The following CLVS1 variants were observed in gnomAD, a reference collection of about 807,000 sequenced individuals.
The protein encoded by CLVS1 is clavesin 1.
In CLVS1, 10 loss-of-function variants were observed where a neutral mutation model predicts 33.1. The observed-to-expected ratio is 0.30, with a 90% CI of 0.19 to 0.51. The LOEUF is 0.51. Among genes scored for constraint, CLVS1 ranks in the 20% least tolerant of loss-of-function variants. CLVS1 has a pLI of 0.97. For synonymous variants in CLVS1, 163 were observed against 166.1 expected, an observed-to-expected ratio of 0.98 and a Z score of 0.14; for missense variants, 343 against 433.4, an observed-to-expected ratio of 0.79 and a Z score of 1.85.
intron 2 of CLVS1, among the ~76,000 whole-genome samples, chr8:61,137,149 A>C (rs772731995): frequency 9.9e-5 from 15 of 152,218 alleles, no homozygotes; most frequent in Non-Finnish European, 1.8e-4. Context: ...AAGACATTTA[A>C]TGGGGTGCAT....
chr8:61,032,196 G>A, the CLVS1 span, among the ~76,000 whole-genome samples: 1 of 152,216 alleles, frequency 6.6e-6, no homozygotes, highest in Non-Finnish European at 1.5e-5. Context: ...TCTATCCTGA[G>A]AGGAGAGACT....
At chr8:61,283,523 A>G (rs1809717267), upstream of CLVS1, among the ~76,000 whole-genome samples, 1 of 152,174 alleles carries the variant, frequency 6.6e-6, no homozygotes, top group East Asian at 1.9e-4. Context: ...ATACTGGTCA[A>G]TGGGTTATGA....
the CLVS1 span, among the ~76,000 whole-genome samples, chr8:60,972,163 A>C: frequency 1.3e-5 from 2 of 151,936 alleles, no homozygotes; most frequent in Non-Finnish European, 2.9e-5. Flanking sequence ...TGTCTCACCC[A>C]TTAGGGCCTC....
rs142110433 is a variant in CLVS1, at chr8:61,365,527, CAAAAA to C, written c.456-11068_456-11064del. Among the ~76,000 whole-genome samples, 3 of 140,370 alleles carry C rather than the reference CAAAAA, an allele frequency of 2.1e-5. No individual in the cohort carries two copies. The East Asian group carries it at 6.2e-4, about 29-fold the overall frequency. 92.1% of individuals were successfully genotyped at this position (140,370 alleles called of 152,430 possible). The stretch of plus-strand genomic sequence containing the variant: ...AGGTGACAAGAGTGAAACACCATGT[CAAAAA>C]AAAAAAAAATCTATAAATGTCAATT... On this transcript the variant is annotated intron_variant, in intron 2 of 5. Transcript: ENST00000325897.
At chr8:61,454,454 G>T (rs1817076002) in intron 4 of CLVS1, among the ~76,000 whole-genome samples, 1 of 152,054 alleles carries the variant, frequency 6.6e-6, no homozygotes, top group East Asian at 1.9e-4. Flanking sequence ...AGTAGAACTG[G>T]GTTATTTTCG....
At position 61,458,443 on chromosome 8, in the gene CLVS1, G is replaced by A. The variant is rs1326925567; in HGVS notation, c.878G>A (p.Ser293Asn). The change falls in exon 5 of 6, where the codon AGC (serine) becomes AAC (asparagine). Residue 293 changes from serine (S) to asparagine (N), a missense_variant. Ser to Asn is a conservative substitution (Grantham distance 46). Around this residue, in one of 4 missense-constraint regions of CLVS1, gnomAD observed 86 missense variants for 95.0 expected, o/e 0.91. Transcript: ENST00000325897. ...CGGACGTTACTCGGTCCCGACTACAGCGATGAAAATGACTATACTCACACA... is the reference window on the plus strand; with the variant it reads ...CGGACGTTACTCGGTCCCGACTACAACGATGAAAATGACTATACTCACACA... ...WARTLLGPDY[S>N]DENDYTHTSY... The A allele has an allele frequency of 3.1e-6, 5 of 1,613,942 alleles. No individual in the cohort carries two copies. The highest frequency in any genetic ancestry group is 1.3e-5 in the African/African-American group (1 of 74,884).
intron 2 of CLVS1, among the ~76,000 whole-genome samples, chr8:61,191,198 C>G (rs964725360): frequency 6.6e-6 from 1 of 152,212 alleles, no homozygotes; most frequent in African/African-American, 2.4e-5. Context: ...GGCTTCATCC[C>G]TGGGATGCAA....
intron 2 of CLVS1, among the ~76,000 whole-genome samples, chr8:61,243,332 C>T (rs1187395746): frequency 1.3e-5 from 2 of 152,168 alleles, no homozygotes; most frequent in African/African-American, 4.8e-5. Flanking sequence ...CTGATTCACA[C>T]ATGCATGATT....
At chr8:61,376,021 T>C (rs1240647957) in intron 2 of CLVS1, among the ~76,000 whole-genome samples, 1 of 152,226 alleles carries the variant, frequency 6.6e-6, no homozygotes, top group Non-Finnish European at 1.5e-5. Context: ...AGACCTTCAC[T>C]GAAAATAAGT....
intron 5 of CLVS1, among the ~76,000 whole-genome samples, chr8:61,481,907 G>A (rs1818209187): frequency 1.3e-5 from 2 of 152,208 alleles, no homozygotes; most frequent in South Asian, 2.1e-4. Flanking sequence ...TCCTCAAGTG[G>A]GTCCCTGACC....
intron 1 of CLVS1, among the ~76,000 whole-genome samples, chr8:61,125,963 A>T (rs1024416761): frequency 2.8e-4 from 42 of 150,218 alleles, no homozygotes; most frequent in Non-Finnish European, 4.3e-4. Flanking sequence ...TTTTAAGGAC[A>T]TTTTTTTTTT....
chr8:60,971,480 C>T, the CLVS1 span, among the ~76,000 whole-genome samples: 1 of 152,218 alleles, frequency 6.6e-6, no homozygotes, highest in Admixed American at 6.5e-5. Flanking sequence ...TTGATTTTAA[C>T]TTTTCTCTTG....
At chr8:61,272,813 C>T (rs890806569) in intron 2 of CLVS1, among the ~76,000 whole-genome samples, 14 of 152,164 alleles carry the variant, frequency 9.2e-5, no homozygotes, top group South Asian at 2.1e-4. Context: ...GCATTCTTCA[C>T]GTAGTTCTCG....
chr8:61,441,289 A>G (rs1005395458), intron 3 of CLVS1, among the ~76,000 whole-genome samples: 1 of 152,212 alleles, frequency 6.6e-6, no homozygotes, highest in Non-Finnish European at 1.5e-5. Context: ...CCTCCGCCCA[A>G]GCCCTGAAAG....
At chr8:61,057,401 CA>C (rs1563387093) in intron 1 of CLVS1, among the ~76,000 whole-genome samples, 4 of 151,370 alleles carry the variant, frequency 2.6e-5, no homozygotes, top group African/African-American at 9.8e-5. Context: ...CACACACACA[CA>C]CACACACACA....
At chr8:61,238,805 T>A (rs1808627560) in intron 2 of CLVS1, among the ~76,000 whole-genome samples, 1 of 152,270 alleles carries the variant, frequency 6.6e-6, no homozygotes, top group Admixed American at 6.5e-5. Context: ...CTATTGGAGC[T>A]ATTGAGGTAG....
the CLVS1 span, chr8:60,965,752 A>G: frequency 6.6e-6 from 1 of 152,296 alleles, no homozygotes; most frequent in African/African-American, 2.4e-5. Context: ...TTCGTGGTGC[A>G]TGGCATTTTT....
intron 2 of CLVS1, among the ~76,000 whole-genome samples, chr8:61,197,970 T>A (rs1468434165): frequency 6.6e-6 from 1 of 152,230 alleles, no homozygotes; most frequent in African/African-American, 2.4e-5. Context: ...GCATCTGCAA[T>A]TCAATGCAGT....
intron 2 of CLVS1, among the ~76,000 whole-genome samples, chr8:61,201,425 A>G (rs1315168344): frequency 2.0e-5 from 3 of 152,182 alleles, no homozygotes; most frequent in Non-Finnish European, 4.4e-5. Context: ...CTGTCTACAA[A>G]TCCAGTGTCT....
Sources: gnomAD v4.1 joint callset for allele counts (sites outside exome capture counted in the v4.1 genomes callset) on GRCh38, gnomAD v4.1.1 for gene constraint, gnomAD v4.1.1 regional missense constraint, MANE v1.5 for transcripts, NCBI Gene and HGNC (gene_info 2026-07-23, HGNC 2026-07-21) for gene names.